SPOCK1: variants seen among roughly 807,000 people sequenced by gnomAD.
The protein encoded by SPOCK1 is testican-1.
A neutral mutation model predicts 55.3 loss-of-function variants in SPOCK1; 23 were observed. That is an observed-to-expected ratio of 0.42 (90% CI 0.30 to 0.59). SPOCK1 has a LOEUF of 0.59. Among genes scored for constraint, SPOCK1 ranks in the 20% least tolerant of loss-of-function variants. The pLI is 0.22. For missense variants in SPOCK1, 499 were observed against 552.5 expected, an observed-to-expected ratio of 0.90 and a Z score of 0.97; for synonymous variants, 226 against 221.0, an observed-to-expected ratio of 1.02 and a Z score of -0.20.
At chr5:137,265,003 A>C (rs965882806) in intron 3 of SPOCK1, among the ~76,000 whole-genome samples, 1 of 152,152 alleles carries the variant, frequency 6.6e-6, no homozygotes, top group Admixed American at 6.5e-5. Flanking sequence ...GGTTAATCTG[A>C]GCAGACCCAG....
In SPOCK1 at chr5:137,122,118, G is replaced by A. The variant is rs145555873; in HGVS notation, c.348-9557C>T. Among the ~76,000 whole-genome samples the A allele has an allele frequency of 2.6e-3, 401 of 151,984 alleles. 2 individuals carry two copies. Among genetic ancestry groups the A allele is most frequent in the African/African-American group, 8.6e-3 (355 of 41,428 alleles). ...CTGCAGTCTGCACTTTCCATTAAGAGAGTGACAGAGCACACCCAGTAACAC... is the reference window on the plus strand; with the variant it reads ...CTGCAGTCTGCACTTTCCATTAAGAAAGTGACAGAGCACACCCAGTAACAC... On this transcript the variant is annotated intron_variant, in intron 4 of 10. Transcript: ENST00000394945.
intron 3 of SPOCK1, among the ~76,000 whole-genome samples, chr5:137,161,403 G>A (rs1038398019): frequency 6.6e-6 from 1 of 151,928 alleles, no homozygotes; most frequent in Non-Finnish European, 1.5e-5. Flanking sequence ...TGTTGCCCAG[G>A]AGCCTCTAAA....
intron 3 of SPOCK1, among the ~76,000 whole-genome samples, chr5:137,232,510 T>C (rs1480715491): frequency 1.3e-5 from 2 of 152,234 alleles, no homozygotes; most frequent in African/African-American, 4.8e-5. Flanking sequence ...GCTCTCTTTC[T>C]GGGTTATCTA....
intron 6 of SPOCK1, among the ~76,000 whole-genome samples, chr5:137,010,138 A>C (rs1402170953): frequency 6.6e-6 from 1 of 151,718 alleles, no homozygotes; most frequent in African/African-American, 2.4e-5. Flanking sequence ...TCTCTTTTGG[A>C]CTCTGAGGTC....
chr5:137,402,640 C>T (rs1752007609), intron 2 of SPOCK1, among the ~76,000 whole-genome samples: 1 of 152,292 alleles, frequency 6.6e-6, no homozygotes, highest in African/African-American at 2.4e-5. Context: ...TGCTCCCCGC[C>T]TTCCCAGAAG....
chr5:137,304,922 G>T (rs1757678062), intron 2 of SPOCK1, among the ~76,000 whole-genome samples: 1 of 152,152 alleles, frequency 6.6e-6, no homozygotes, highest in African/African-American at 2.4e-5. Context: ...CTTTAACAAA[G>T]TACCATAAAC....
chr5:137,117,370 A>G (rs961870623), intron 4 of SPOCK1, among the ~76,000 whole-genome samples: 5 of 152,250 alleles, frequency 3.3e-5, no homozygotes, highest in African/African-American at 1.2e-4. Flanking sequence ...CAAGTAGTTA[A>G]CCATGACATT....
At chr5:137,008,331 A>ACACACACAC (rs760277889) in intron 6 of SPOCK1, among the ~76,000 whole-genome samples, 7 of 74,590 alleles carry the variant, frequency 9.4e-5, no homozygotes, top group Admixed American at 1.2e-4. Context: ...CACACACACA[A>ACACACACAC]TCAACACAGT....
At chr5:137,031,429 T>C (rs1401179132) in intron 6 of SPOCK1, among the ~76,000 whole-genome samples, 1 of 152,208 alleles carries the variant, frequency 6.6e-6, no homozygotes, top group Non-Finnish European at 1.5e-5. Flanking sequence ...GATGTAAATA[T>C]CCCCCAATGG....
In SPOCK1 at chr5:137,240,637, C is replaced by T. The variant is rs375724611; in HGVS notation, c.232+26373G>A. On this transcript the variant is annotated intron_variant, in intron 3 of 10. Coordinates refer to ENST00000394945, the MANE Select transcript of SPOCK1 (RefSeq NM_004598.4). ...GAAGACAAACTCACAGAGCTGTCAACTCTCCTTAAGGAAATTTGTAAATGT... is the reference window on the plus strand; with the variant it reads ...GAAGACAAACTCACAGAGCTGTCAATTCTCCTTAAGGAAATTTGTAAATGT... 7.2e-5 allele frequency among the ~76,000 whole-genome samples: 11 copies of T among 152,286 alleles called. No individual in the cohort carries two copies. In the East Asian group the frequency reaches 1.7e-3, roughly 24 times the overall value.
intron 2 of SPOCK1, among the ~76,000 whole-genome samples, chr5:137,385,854 G>A (rs1197433578): frequency 6.6e-6 from 1 of 152,194 alleles, no homozygotes; most frequent in African/African-American, 2.4e-5. Flanking sequence ...AACTTTTTCT[G>A]TCAAGGGCCA....
intron 9 of SPOCK1, among the ~76,000 whole-genome samples, chr5:136,983,040 G>C (rs1343545833): frequency 6.6e-6 from 1 of 152,130 alleles, no homozygotes; most frequent in Non-Finnish European, 1.5e-5. Context: ...TGTGTTTCTT[G>C]ATAGTGTGCA....
intron 2 of SPOCK1, chr5:137,273,433 AAAC>A: frequency 1.1e-6 from 1 of 939,052 alleles, no homozygotes; most frequent in African/African-American, 1.8e-5. Flanking sequence ...GAATCACATC[AAAC>A]AATAGGAAGA....
intron 6 of SPOCK1, among the ~76,000 whole-genome samples, chr5:137,065,848 A>G (rs539761261): frequency 6.6e-6 from 1 of 152,334 alleles, no homozygotes; most frequent in South Asian, 2.1e-4. Context: ...TTTAATGGCA[A>G]TGGGGTTACT....
intron 3 of SPOCK1, among the ~76,000 whole-genome samples, chr5:137,250,525 T>C (rs1375288985): frequency 6.6e-6 from 1 of 152,206 alleles, no homozygotes; most frequent in Non-Finnish European, 1.5e-5. Flanking sequence ...AGTCCGTTCA[T>C]AGAAGTGGGG....
chr5:137,277,840 T>G (rs1757097345), intron 2 of SPOCK1, among the ~76,000 whole-genome samples: 1 of 152,084 alleles, frequency 6.6e-6, no homozygotes, highest in Non-Finnish European at 1.5e-5. Context: ...AATCATGGCC[T>G]TTGGCCCCAA....
chr5:137,090,109 A>C (rs1006923078), intron 5 of SPOCK1, among the ~76,000 whole-genome samples: 1 of 152,216 alleles, frequency 6.6e-6, no homozygotes, highest in African/African-American at 2.4e-5. Flanking sequence ...AGAACAACAG[A>C]AATGGAAGCA....
At chr5:137,356,834 T>TAGAGAG (rs1231164356) in intron 2 of SPOCK1, among the ~76,000 whole-genome samples, 45 of 9,454 alleles carry the variant, frequency 4.8e-3, no homozygotes, top group Non-Finnish European at 6.8e-3. Context: ...TATATATATA[T>TAGAGAG]ATATAGAGAG....
intron 6 of SPOCK1, among the ~76,000 whole-genome samples, chr5:137,025,160 A>T (rs1033173472): frequency 1.3e-5 from 2 of 152,192 alleles, no homozygotes; most frequent in African/African-American, 4.8e-5. Flanking sequence ...AGTTAAGATG[A>T]ATAAGCACTG....
Sources: gnomAD v4.1 joint callset for allele counts (sites outside exome capture counted in the v4.1 genomes callset) on GRCh38, gnomAD v4.1.1 for gene constraint, MANE v1.5 for transcripts, NCBI Gene and HGNC (gene_info 2026-07-23, HGNC 2026-07-21) for gene names.